The following MTOR variants were observed in gnomAD, a reference collection of about 807,000 sequenced individuals.
MTOR encodes the protein mechanistic target of rapamycin kinase, also known as serine/threonine-protein kinase mTOR.
A neutral mutation model predicts 319.8 loss-of-function variants in MTOR; 70 were observed. The ratio of observed to expected loss-of-function variants is 0.22; its 90% CI spans 0.18 to 0.27. The LOEUF (loss-of-function observed/expected upper bound fraction) is 0.27. MTOR is among the 10% of genes least tolerant of loss of function. MTOR has a pLI of 1.00. For missense variants in MTOR, 1,890 were observed against 3,274.4 expected (o/e 0.58, Z 10.32); for synonymous variants, 1,183 against 1,211.4 (o/e 0.98, Z 0.49).
At chr1:11,161,570 C>A (rs1241740186) in intron 29 of MTOR, among the ~76,000 whole-genome samples, 1 of 152,156 alleles carries the variant, frequency 6.6e-6, no homozygotes, top group Non-Finnish European at 1.5e-5. Flanking sequence ...CGGCTGGGTG[C>A]CCCTCTGAGA....
chr1:11,165,323 A>T (rs1644608969), intron 29 of MTOR, among the ~76,000 whole-genome samples: 1 of 152,226 alleles, frequency 6.6e-6, no homozygotes, highest in Admixed American at 6.5e-5. Context: ...TGCAGGTGAC[A>T]TGATTGTATA....
At position 11,241,610 on chromosome 1, in the gene MTOR, G is replaced by T; in HGVS notation, c.1484C>A (p.Pro495Gln). ...CTCCTTGATATCCTGCTGGATGCCT[G>T]GCCCCATTGCTCGAGCCAGCATGCT... is the stretch of plus-strand genomic sequence containing the variant. ...CISMLARAMG[P>Q]GIQQDIKELL... Residue 495 changes from proline (P) to glutamine (Q), a missense_variant, in exon 10 of 58, where the codon CCA becomes CAA. This residue lies in a region of MTOR where 418 missense variants were observed against 543.1 expected (regional missense o/e 0.77). Transcript: ENST00000361445. 1 of 1,614,086 alleles carries T rather than the reference G, an allele frequency of 6.2e-7. No homozygotes were observed. Among genetic ancestry groups the T allele is most frequent in the Non-Finnish European group, 8.5e-7 (1 of 1,179,980 alleles).
chr1:11,107,476 G>C lies in MTOR; in HGVS notation c.*9C>G. On this transcript the variant is annotated 3_prime_UTR_variant, in exon 58 of 58. Transcript: ENST00000361445. ...AGAAAAAACGTGATGGGCACATCTG[G>C]GCCTCCAGTTACCAGAAAGGGCACC... The C allele has an allele frequency of 6.2e-7, 1 of 1,612,484 alleles. No individual in the cohort carries two copies. The highest frequency in any genetic ancestry group is 8.5e-7 in the Non-Finnish European group (1 of 1,179,584).
chr1:11,188,757 A>T (rs12091985), intron 28 of MTOR, among the ~76,000 whole-genome samples: 1,651 of 152,290 alleles, frequency 0.011, 40 homozygotes, highest in African/African-American at 0.037. Context: ...TTCCTAAGAG[A>T]TTTACTCTAT....
At position 11,260,587 on chromosome 1, in the gene MTOR, A is replaced by G. The variant is rs796242013; in HGVS notation, c.-14-1164T>C. On this transcript the variant is annotated intron_variant, in intron 1 of 57. Coordinates refer to ENST00000361445, the MANE Select transcript of MTOR (RefSeq NM_004958.4). ...AGGAAATACAATGATCCACAAATGT[A>G]ATTTTAAGGCTGCTTGTAGCCATAT... is the stretch of plus-strand genomic sequence containing the variant. 5.6e-4 allele frequency among the ~76,000 whole-genome samples: 86 copies of G among 152,226 alleles called. 1 individual carries two copies. Among genetic ancestry groups the G allele is most frequent in the African/African-American group, 2.0e-3 (83 of 41,548 alleles).
Position 11,228,793 on chromosome 1 carries a change from T to G in MTOR, c.2905A>C (p.Thr969Pro). ...FRDQSLSHHH[T>P]MVVQAITFIF... ...AAGGTGATGGCCTGGACAACCATGG[T>G]GTGATGATGAGAGAGTGACTGGTCT... Residue 969 changes from threonine (T) to proline (P), a missense_variant, in exon 19 of 58, where the codon ACC becomes CCC. Physicochemically the swap from Thr to Pro is conservative, Grantham distance 38. Around this residue, in one of 15 missense-constraint regions of MTOR, gnomAD observed 377 missense variants for 653.9 expected, o/e 0.58. Coordinates refer to ENST00000361445, the MANE Select transcript of MTOR (RefSeq NM_004958.4). 1 of 1,614,034 alleles carries G rather than the reference T, an allele frequency of 6.2e-7. No individual in the cohort carries two copies. The highest frequency in any genetic ancestry group is 8.5e-7 in the Non-Finnish European group (1 of 1,180,002).
intron 28 of MTOR, among the ~76,000 whole-genome samples, chr1:11,175,409 G>T (rs1353295824): frequency 6.6e-6 from 1 of 152,172 alleles, no homozygotes; most frequent in African/African-American, 2.4e-5. Context: ...GAATTGCAGA[G>T]CCTCCTTTCA....
chr1:11,157,054 G>T, intron 30 of MTOR, 98 bp downstream of exon 30: 2 of 1,439,464 alleles, frequency 1.4e-6, no homozygotes, highest in Non-Finnish European at 1.9e-6. Context: ...TGAGTCTGAA[G>T]TGAGAACTCC....
At chr1:11,118,383 C>T (rs539414370) in intron 49 of MTOR, among the ~76,000 whole-genome samples, 56 of 150,648 alleles carry the variant, frequency 3.7e-4, no homozygotes, top group African/African-American at 1.3e-3. Flanking sequence ...ATAACAGGCA[C>T]GTGCCACCAT....
chr1:11,194,875 G>A, intron 28 of MTOR: 1 of 1,614,150 alleles, frequency 6.2e-7, no homozygotes, highest in African/African-American at 1.3e-5. Flanking sequence ...TACAACTGCT[G>A]CACAGACTCC....
At chr1:11,229,164 T>G (rs1646939415) in intron 18 of MTOR, among the ~76,000 whole-genome samples, 1 of 152,192 alleles carries the variant, frequency 6.6e-6, no homozygotes, top group South Asian at 2.1e-4. Context: ...CAGTACATGA[T>G]GGGTTGGTTT....
chr1:11,258,520 T>A lies in MTOR; in HGVS notation c.236A>T (p.Asp79Val). 1 of 1,614,154 alleles carries A rather than the reference T, an allele frequency of 6.2e-7. No homozygotes were observed. The stretch of plus-strand genomic sequence containing the variant: ...GATGCCACCTTTCCTCTCATTGGCA[T>A]CTGAGCTGGAAACCAATTCAAAAAT... The part of the protein sequence containing the change: ...HHIFELVSSS[D>V]ANERKGGILA... The change falls in exon 3 of 58, where the codon GAT (aspartate) becomes GTT (valine). Residue 79 changes from aspartate (D) to valine (V), a missense_variant. Transcript: ENST00000361445.
At chr1:11,111,904 G>C (rs1164394472) in intron 54 of MTOR, among the ~76,000 whole-genome samples, 1 of 150,302 alleles carries the variant, frequency 6.7e-6, no homozygotes, top group East Asian at 2.0e-4. Flanking sequence ...AAAGGGGTGG[G>C]ATGGGGAGTG....
At chr1:11,124,896 T>C (rs904353708) in intron 46 of MTOR, among the ~76,000 whole-genome samples, 1 of 152,234 alleles carries the variant, frequency 6.6e-6, no homozygotes, top group Non-Finnish European at 1.5e-5. Context: ...GAAATGATCA[T>C]TCCTGTTTTC....
At chr1:11,113,761 T>C (rs545249247) in intron 53 of MTOR, among the ~76,000 whole-genome samples, 2 of 152,248 alleles carry the variant, frequency 1.3e-5, no homozygotes, top group East Asian at 3.9e-4. Context: ...CACCGGCATG[T>C]GCCACTGTAC....
At chr1:11,182,436 T>A (rs1645191039) in intron 28 of MTOR, among the ~76,000 whole-genome samples, 1 of 152,232 alleles carries the variant, frequency 6.6e-6, no homozygotes, top group African/African-American at 2.4e-5. Flanking sequence ...AGACGTTGAC[T>A]ATGTGTCAGA....
At chr1:11,216,012 C>T (rs1646457981) in intron 20 of MTOR, 136 bp downstream of exon 20, 2 of 523,052 alleles carry the variant, frequency 3.8e-6, no homozygotes, top group Admixed American at 3.3e-5. Flanking sequence ...ATCCAGTGGG[C>T]TTTGTTCCAC....
intron 19 of MTOR, chr1:11,226,143 A>G (rs1044927669): frequency 6.6e-6 from 1 of 152,182 alleles, no homozygotes; most frequent in South Asian, 2.1e-4. Context: ...AACACATTAA[A>G]AGAGAAAAAC....
intron 54 of MTOR, among the ~76,000 whole-genome samples, chr1:11,110,017 A>C (rs1275451370): frequency 1.3e-5 from 2 of 152,158 alleles, no homozygotes; most frequent in African/African-American, 4.8e-5. Context: ...AAAATTTTTA[A>C]ATCTGTAAAG....
Sources: allele counts gnomAD v4.1 joint callset (sites outside exome capture counted in the v4.1 genomes callset), GRCh38; gene constraint gnomAD v4.1.1; regional missense constraint gnomAD v4.1.1; transcripts MANE v1.5; gene names NCBI Gene and HGNC (gene_info 2026-07-23, HGNC 2026-07-21).